Variants in UBE2E1 observed in about 807,000 individuals in gnomAD.
UBE2E1 encodes ubiquitin-conjugating enzyme E2 E1.
A neutral mutation model predicts 21.4 loss-of-function variants in UBE2E1; 6 were observed. The ratio of observed to expected loss-of-function variants is 0.28; its 90% confidence interval spans 0.15 to 0.55. The LOEUF (loss-of-function observed/expected upper bound fraction) is 0.55, where lower values mean the gene tolerates loss of function less well. UBE2E1 is among the 20% of genes least tolerant of loss of function. The probability of loss-of-function intolerance (pLI) is 0.93; values close to 1 mark genes in which losing one functional copy is unlikely to be tolerated. For synonymous variants in UBE2E1, 87 were observed against 82.7 expected, an observed-to-expected ratio of 1.05 and a Z score of -0.28; for missense variants, 142 against 236.5, an observed-to-expected ratio of 0.60 and a Z score of 2.62.
Position 23,810,840 on chromosome 3 carries a change from A to C in UBE2E1, c.153-620A>C, listed in dbSNP as rs562321229. 7 of 174,048 alleles carry C rather than the reference A, an allele frequency of 4.0e-5. No individual in the cohort carries two copies. The South Asian group carries it at 1.2e-3, about 29-fold the overall frequency. 10.8% of individuals were successfully genotyped at this position (174,048 alleles called of 1,614,324 possible). Reference sequence around the variant, plus strand: ...CGGCGTGGCCGGGCGGTGGCAGCCCACCGCTGGGGAGCGACCTGCGGTCTG... The same window carrying C: ...CGGCGTGGCCGGGCGGTGGCAGCCCCCCGCTGGGGAGCGACCTGCGGTCTG... On this transcript the variant is annotated intron_variant, in intron 2 of 5. Transcript: ENST00000306627. The surrounding 1 kb of genome is among the most constrained non-coding windows in gnomAD (Gnocchi z 5.8).
chr3:23,884,467 G>A (rs954705281), intron 3 of UBE2E1, among the ~76,000 whole-genome samples: 12 of 152,142 alleles, frequency 7.9e-5, no homozygotes, highest in African/African-American at 2.9e-4. Flanking sequence ...TCGGGCCTGG[G>A]GTGGGGTCTA....
chr3:23,823,308 T>C lies in UBE2E1; in HGVS notation c.203+11798T>C, dbSNP rs557610316. ...CAGATACTCTTGGTCCTGCTTACCT[T>C]GATAATTGAGGGTAGAATTAAGAAA... On this transcript the variant is annotated intron_variant, in intron 3 of 5. Transcript: ENST00000306627. This position sits in a 1 kb window ranked among gnomAD's most constrained non-coding sequence, Gnocchi z 4.2. Among the ~76,000 whole-genome samples, 218 of 152,362 alleles carry C rather than the reference T, an allele frequency of 1.4e-3. 1 individual carries two copies. The highest frequency in any genetic ancestry group is 3.7e-3 in the Admixed American group (57 of 15,304).
In UBE2E1 at chr3:23,810,493, ACC is replaced by A. The variant is rs1699362037; in HGVS notation, c.153-964_153-963del. The A allele has an allele frequency of 1.3e-6, 2 of 1,535,528 alleles. No individual in the cohort carries two copies. Among genetic ancestry groups the A allele is most frequent in the East Asian group, 4.9e-5 (2 of 40,830 alleles). Reference sequence around the variant, plus strand: ...AGCGGACCATGAAGGAAGTGGGCAGACCCCGGGAAGTTAGAGGACGCCCGGGG... The same window carrying A: ...AGCGGACCATGAAGGAAGTGGGCAGACCGGGAAGTTAGAGGACGCCCGGGG... On this transcript the variant is annotated intron_variant, in intron 2 of 5. Transcript: ENST00000306627. This position sits in a 1 kb window ranked among gnomAD's most constrained non-coding sequence, Gnocchi z 5.8.
In UBE2E1 at chr3:23,808,389, A is replaced by G. The variant is rs1699321110; in HGVS notation, c.152+968A>G. Among the ~76,000 whole-genome samples, 1 of 152,212 alleles carries G rather than the reference A, an allele frequency of 6.6e-6. No homozygotes were observed. The highest frequency in any genetic ancestry group is 6.5e-5 in the Admixed American group (1 of 15,282). On this transcript the variant is annotated intron_variant, in intron 2 of 5. Coordinates refer to ENST00000306627, the MANE Select transcript of UBE2E1 (RefSeq NM_003341.5). This position sits in a 1 kb window ranked among gnomAD's most constrained non-coding sequence, Gnocchi z 4.9. The stretch of plus-strand genomic sequence containing the variant: ...CATAAATCCTTCTGCTCTCAGAGTT[A>G]GGCAGTTGTTAAAAAGGTGGCAAAC...
chr3:23,842,199 GTGTGTGT>G lies in UBE2E1; in HGVS notation c.203+30690_203+30696del, dbSNP rs1273359532. Among the ~76,000 whole-genome samples the G allele has an allele frequency of 4.8e-4, 27 of 56,266 alleles. No individual in the cohort carries two copies. The highest frequency in any genetic ancestry group is 3.7e-3 in the Admixed American group (18 of 4,816). The allele number at this position is 56,266 out of a possible 152,430, so 36.9% of individuals were successfully genotyped here. A position where few individuals can be genotyped will look rare whatever the true frequency, so the allele number is the denominator to read the frequency against. On this transcript the variant is annotated intron_variant, in intron 3 of 5. Coordinates refer to ENST00000306627, the MANE Select transcript of UBE2E1 (RefSeq NM_003341.5). This position sits in a 1 kb window ranked among gnomAD's most constrained non-coding sequence, Gnocchi z 4.6. ...ATGTCATGACCCAGTAAGTGAAGGG[GTGTGTGT>G]GTGTGTGTGTGTGTGTGTGTGTGTG...
chr3:23,846,870 T>C (rs1700218171), intron 3 of UBE2E1, among the ~76,000 whole-genome samples: 1 of 149,790 alleles, frequency 6.7e-6, no homozygotes, highest in South Asian at 2.1e-4. Context: ...GTTTAGCTAC[T>C]TTTTTTTTTC....
intron 3 of UBE2E1, among the ~76,000 whole-genome samples, chr3:23,872,341 T>C (rs1385626375): frequency 6.7e-6 from 1 of 148,396 alleles, no homozygotes; most frequent in Admixed American, 6.8e-5. Context: ...CAGCTTCGGC[T>C]CGGCATCAGA....
At chr3:23,850,588 G>C (rs1009777377) in intron 3 of UBE2E1, among the ~76,000 whole-genome samples, 2 of 150,880 alleles carry the variant, frequency 1.3e-5, no homozygotes, top group Non-Finnish European at 2.9e-5. Context: ...CTAGCTCACT[G>C]CAGCCTCAAA....
intron 3 of UBE2E1, among the ~76,000 whole-genome samples, chr3:23,847,894 G>A (rs532372274): frequency 3.9e-5 from 6 of 152,196 alleles, no homozygotes; most frequent in African/African-American, 9.6e-5. Flanking sequence ...AGCCCCAAAG[G>A]CAATAGCTGT....
chr3:23,873,966 C>A (rs559757325), intron 3 of UBE2E1, among the ~76,000 whole-genome samples: 3 of 152,304 alleles, frequency 2.0e-5, no homozygotes, highest in Admixed American at 6.5e-5. Flanking sequence ...AGCAAAAAAT[C>A]ACTGTGCAAG....
At chr3:23,811,623 C>A in intron 3 of UBE2E1, 113 bp downstream of exon 3, 3 of 965,366 alleles carry the variant, frequency 3.1e-6, no homozygotes, top group Non-Finnish European at 4.7e-6. Context: ...CTTGTTATGG[C>A]ACTAACATCA....
intron 3 of UBE2E1, among the ~76,000 whole-genome samples, chr3:23,850,708 G>A (rs941638664): frequency 2.1e-5 from 3 of 140,766 alleles, no homozygotes; most frequent in Non-Finnish European, 4.6e-5. Flanking sequence ...TTTTGAGATA[G>A]GGTCTCTTTC....
intron 3 of UBE2E1, among the ~76,000 whole-genome samples, chr3:23,831,533 T>TTTTC (rs1553636717): frequency 0.032 from 4,877 of 150,892 alleles, 128 homozygotes; most frequent in Middle Eastern, 0.051. Flanking sequence ...TTTTTTTTTT[T>TTTTC]CGAGACATGG....
chr3:23,890,501 T>C lies in UBE2E1; in HGVS notation c.485-8T>C. 1 of 1,609,744 alleles carries C rather than the reference T, an allele frequency of 6.2e-7. No homozygotes were observed. Among genetic ancestry groups the C allele is most frequent in the Non-Finnish European group, 8.5e-7 (1 of 1,178,520 alleles). On this transcript the variant is annotated splice_region_variant and splice_polypyrimidine_tract_variant and intron_variant, in intron 5 of 5. Transcript: ENST00000306627. ...TTCTCCAAAGTAATCTACATTCTTT[T>C]CTTCCAGCCGACCCCTTGGTGGGAA...
rs1056951279 is a variant in UBE2E1 at position 23,891,259 on chromosome 3, C to T, written c.*653C>T. 1 of 152,198 alleles carries T rather than the reference C, an allele frequency of 6.6e-6. No homozygotes were observed. The highest frequency in any genetic ancestry group is 1.5e-5 in the Non-Finnish European group (1 of 68,032). 9.4% of individuals were successfully genotyped at this position (152,198 alleles called of 1,614,324 possible). ...TGGATTGGTTCTATGTTGTGGACTA[C>T]TTAAGTCTGCATTTGTTACTGTGCT... On this transcript the variant is annotated 3_prime_UTR_variant, in exon 6 of 6. Coordinates refer to ENST00000306627, the MANE Select transcript of UBE2E1 (RefSeq NM_003341.5).
chr3:23,889,321 A>G (rs1407929100), intron 5 of UBE2E1, 62 bp downstream of exon 5: 1 of 1,607,260 alleles, frequency 6.2e-7, no homozygotes, highest in Non-Finnish European at 8.5e-7. Flanking sequence ...CTTGTTTCCA[A>G]AAGCTTTCAA....
In UBE2E1 at chr3:23,842,528, CT is replaced by C. The variant is rs756567546; in HGVS notation, c.203+31021del. 6.6e-6 allele frequency among the ~76,000 whole-genome samples: 1 copy of C among 152,046 alleles called. No homozygotes were observed. Among genetic ancestry groups the C allele is most frequent in the Non-Finnish European group, 1.5e-5 (1 of 68,010 alleles). The stretch of plus-strand genomic sequence containing the variant: ...ATCATTTGCTATAAATATCACTAAA[CT>C]TTGTCATCCTAAGTGAGATAATAAG... On this transcript the variant is annotated intron_variant, in intron 3 of 5. Coordinates refer to ENST00000306627, the MANE Select transcript of UBE2E1 (RefSeq NM_003341.5). This position sits in a 1 kb window ranked among gnomAD's most constrained non-coding sequence, Gnocchi z 4.6.
chr3:23,880,181 G>C (rs1052738238), intron 3 of UBE2E1, among the ~76,000 whole-genome samples: 2 of 152,048 alleles, frequency 1.3e-5, no homozygotes, highest in African/African-American at 4.8e-5. Context: ...TCAGGATTTC[G>C]AGACCAGCCT....
chr3:23,867,529 A>G (rs1466587372), intron 3 of UBE2E1, among the ~76,000 whole-genome samples: 1 of 152,216 alleles, frequency 6.6e-6, no homozygotes, highest in Non-Finnish European at 1.5e-5. Context: ...ATTATCTTAG[A>G]TAACAGTTGG....
Sources: gnomAD v4.1 joint callset for allele counts (sites outside exome capture counted in the v4.1 genomes callset) on GRCh38, gnomAD v4.1.1 for gene constraint, Gnocchi (gnomAD v3.1) non-coding constraint, MANE v1.5 for transcripts, NCBI Gene and HGNC (gene_info 2026-07-23, HGNC 2026-07-21) for gene names.